Variants in ATRNL1 observed in about 807,000 individuals in gnomAD.
The protein encoded by ATRNL1 is attractin-like protein 1.
A neutral mutation model predicts 182.7 loss-of-function variants in ATRNL1; 95 were observed. The ratio of observed to expected loss-of-function variants is 0.52; its 90% CI spans 0.44 to 0.62. The LOEUF is 0.62. Among genes scored for constraint, ATRNL1 ranks in the 20% least tolerant of loss-of-function variants. The pLI is 0.00. For synonymous variants in ATRNL1, 576 were observed against 568.3 expected (o/e 1.01, Z -0.19); for missense variants, 1,471 against 1,679.5 (o/e 0.88, Z 2.17).
At chr10:115,687,070 A>T (rs1946241580) in intron 26 of ATRNL1, among the ~76,000 whole-genome samples, 3 of 152,088 alleles carry the variant, frequency 2.0e-5, no homozygotes, top group Admixed American at 1.3e-4. Context: ...TTTCCTGATG[A>T]TTAGCAATTT....
chr10:115,109,638 A>G (rs74318500), intron 1 of ATRNL1, among the ~76,000 whole-genome samples: 1,863 of 152,240 alleles, frequency 0.012, 33 homozygotes, highest in African/African-American at 0.042. Context: ...CATTCAAACC[A>G]TAGCAGAGAC....
Position 115,692,040 on chromosome 10 carries a change from G to T in ATRNL1, c.3796-35208G>T, listed in dbSNP as rs551979208. ...TCATATCCAAGAAATCATTGACAAA[G>T]CCAAATATAAAATTCTTAACTTCAC... is the stretch of plus-strand genomic sequence containing the variant. On this transcript the variant is annotated intron_variant, in intron 26 of 28. Coordinates refer to ENST00000355044, the MANE Select transcript of ATRNL1 (RefSeq NM_207303.4). 5.9e-5 allele frequency among the ~76,000 whole-genome samples: 9 copies of T among 152,210 alleles called. No homozygotes were observed. The East Asian group carries it at 1.5e-3, about 26-fold the overall frequency.
chr10:115,185,628 A>C (rs376392913), intron 8 of ATRNL1, among the ~76,000 whole-genome samples: 1 of 152,026 alleles, frequency 6.6e-6, no homozygotes, highest in Admixed American at 6.6e-5. Flanking sequence ...ATCATTTTGC[A>C]AAAGTCATAG....
At chr10:115,259,995 C>T (rs2133867207) in intron 10 of ATRNL1, among the ~76,000 whole-genome samples, 1 of 151,628 alleles carries the variant, frequency 6.6e-6, no homozygotes, top group African/African-American at 2.4e-5. Context: ...CTTTTTTAAA[C>T]TTTTAGTATA....
At chr10:115,172,584 G>A (rs1847336626) in intron 8 of ATRNL1, among the ~76,000 whole-genome samples, 1 of 151,856 alleles carries the variant, frequency 6.6e-6, no homozygotes, top group African/African-American at 2.4e-5. Flanking sequence ...AGTACAATGA[G>A]TCCATAATTT....
At chr10:115,496,106 A>C (rs1470983867) in intron 24 of ATRNL1, among the ~76,000 whole-genome samples, 1 of 152,110 alleles carries the variant, frequency 6.6e-6, no homozygotes, top group African/African-American at 2.4e-5. Flanking sequence ...TTACTGGCTT[A>C]GTGTTTGTTT....
intron 13 of ATRNL1, among the ~76,000 whole-genome samples, chr10:115,281,130 C>A (rs904790404): frequency 6.6e-6 from 1 of 152,082 alleles, no homozygotes; most frequent in African/African-American, 2.4e-5. Context: ...TTTGTTTAAT[C>A]CTAAATTAGG....
chr10:115,177,928 T>G (rs1202291470), intron 8 of ATRNL1, among the ~76,000 whole-genome samples: 4 of 145,260 alleles, frequency 2.8e-5, no homozygotes, highest in East Asian at 2.0e-4. Flanking sequence ...TTTTTTGTTT[T>G]TTTTTTTTTT....
At position 115,385,648 on chromosome 10, in the gene ATRNL1, A is replaced by G. The variant is rs1256466631; in HGVS notation, c.3176-9011A>G. ...AATCTTTACCTACCCCAAGGATGCA[A>G]ATATTTTTTCTCTGTTTTTTTCTTC... is the stretch of plus-strand genomic sequence containing the variant. On this transcript the variant is annotated intron_variant, in intron 19 of 28. Coordinates refer to ENST00000355044, the MANE Select transcript of ATRNL1 (RefSeq NM_207303.4). 3.5e-5 allele frequency among the ~76,000 whole-genome samples: 5 copies of G among 142,722 alleles called. No homozygotes were observed. The Admixed American group carries it at 3.6e-4, about 10-fold the overall frequency. The allele number at this position is 142,722 out of a possible 152,430, so 93.6% of individuals were successfully genotyped here.
intron 24 of ATRNL1, among the ~76,000 whole-genome samples, chr10:115,486,778 A>G (rs1443014153): frequency 6.6e-5 from 10 of 151,910 alleles, no homozygotes; most frequent in East Asian, 3.9e-4. Flanking sequence ...TTTTGTTGCA[A>G]TTGCTTTTTA....
chr10:115,748,843 T>C (rs1352609046), intron 27 of ATRNL1, among the ~76,000 whole-genome samples: 1 of 151,964 alleles, frequency 6.6e-6, no homozygotes, highest in Admixed American at 6.6e-5. Context: ...TTTTGTTTTC[T>C]CCCTTAGGAA....
At chr10:115,474,892 C>T (rs1848464594) in intron 24 of ATRNL1, among the ~76,000 whole-genome samples, 1 of 151,284 alleles carries the variant, frequency 6.6e-6, no homozygotes, top group African/African-American at 2.4e-5. Context: ...CACCCAGGAG[C>T]GTGTCAGAAA....
Position 115,527,983 on chromosome 10 carries a change from TCCC to T in ATRNL1, c.3716+8660_3716+8662del, listed in dbSNP as rs1554987114. ...TTCCCTCCCTCCCTCCTTCCCTCCC[TCCC>T]TCCCTCCCTCCCTTCCTTCCTTCCT... On this transcript the variant is annotated intron_variant, in intron 25 of 28. Coordinates refer to ENST00000355044, the MANE Select transcript of ATRNL1 (RefSeq NM_207303.4). Among the ~76,000 whole-genome samples, 92 of 19,840 alleles carry T rather than the reference TCCC, an allele frequency of 4.6e-3. 4 individuals carry two copies. Among genetic ancestry groups the T allele is most frequent in the African/African-American group, 0.023 (86 of 3,660 alleles). The allele number at this position is 19,840 out of a possible 152,430, so 13.0% of individuals were successfully genotyped here. A position where few individuals can be genotyped will look rare whatever the true frequency, so the allele number is the denominator to read the frequency against.
At chr10:115,905,323 C>T (rs1444336655) in intron 28 of ATRNL1, among the ~76,000 whole-genome samples, 2 of 151,922 alleles carry the variant, frequency 1.3e-5, no homozygotes, top group Admixed American at 6.6e-5. Flanking sequence ...CAGGCTCAAG[C>T]GATCCTCGTA....
At chr10:115,825,891 C>G (rs1482144133) in intron 27 of ATRNL1, among the ~76,000 whole-genome samples, 5 of 152,090 alleles carry the variant, frequency 3.3e-5, no homozygotes, top group Non-Finnish European at 7.3e-5. Context: ...AGGGTCTTTC[C>G]CACTTGAACT....
At chr10:115,754,727 G>A (rs1462832987) in intron 27 of ATRNL1, among the ~76,000 whole-genome samples, 2 of 152,126 alleles carry the variant, frequency 1.3e-5, no homozygotes, top group Non-Finnish European at 2.9e-5. Flanking sequence ...TAGCTTGATG[G>A]GGATGGCATT....
chr10:115,797,915 G>T (rs983089857), intron 27 of ATRNL1, among the ~76,000 whole-genome samples: 9 of 152,050 alleles, frequency 5.9e-5, no homozygotes, highest in African/African-American at 1.9e-4. Context: ...TTTTCTCAGA[G>T]ACCTTTTTTT....
chr10:115,395,418 G>C lies in ATRNL1; in HGVS notation c.3269+666G>C, dbSNP rs201265727. 5.3e-5 allele frequency among the ~76,000 whole-genome samples: 8 copies of C among 151,932 alleles called. No individual in the cohort carries two copies. In the East Asian group the frequency reaches 1.5e-3, roughly 29 times the overall value. Reference sequence around the variant, plus strand: ...ATTAAACCTTTTAAAGAACAATTTTGTAGAGGCTTTAAAACAACCCCATAG... The same window carrying C: ...ATTAAACCTTTTAAAGAACAATTTTCTAGAGGCTTTAAAACAACCCCATAG... On this transcript the variant is annotated intron_variant, in intron 20 of 28. Coordinates refer to ENST00000355044, the MANE Select transcript of ATRNL1 (RefSeq NM_207303.4).
intron 26 of ATRNL1, among the ~76,000 whole-genome samples, chr10:115,724,775 T>G (rs1246353795): frequency 8.5e-5 from 13 of 152,120 alleles, no homozygotes; most frequent in Non-Finnish European, 1.9e-4. Context: ...AACTGGTATT[T>G]AAAAGTAGGA....
Sources: allele counts gnomAD v4.1 joint callset (sites outside exome capture counted in the v4.1 genomes callset), GRCh38; gene constraint gnomAD v4.1.1; transcripts MANE v1.5; gene names NCBI Gene and HGNC (gene_info 2026-07-23, HGNC 2026-07-21).